Variants in HIVEP2 observed in about 807,000 individuals in gnomAD.
HIVEP2 encodes the protein transcription factor HIVEP2.
A neutral mutation model predicts 180.7 loss-of-function variants in HIVEP2; 14 were observed. The observed-to-expected ratio is 0.08, with a 90% confidence interval of 0.05 to 0.12. The LOEUF (loss-of-function observed/expected upper bound fraction) is 0.12, where lower values mean the gene tolerates loss of function less well. HIVEP2 is among the 10% of genes least tolerant of loss of function. The pLI is 1.00. For missense variants in HIVEP2, 2,579 were observed against 3,008.5 expected (o/e 0.86, Z 3.34); for synonymous variants, 1,184 against 1,136.4 (o/e 1.04, Z -0.84).
chr6:142,826,459 G>C (rs1774904165), intron 2 of HIVEP2, among the ~76,000 whole-genome samples: 1 of 152,068 alleles, frequency 6.6e-6, no homozygotes, highest in African/African-American at 2.4e-5. Flanking sequence ...CATATTTTGG[G>C]GAATTCCCTG....
chr6:142,855,258 T>C (rs1775789511), intron 1 of HIVEP2, among the ~76,000 whole-genome samples: 1 of 152,186 alleles, frequency 6.6e-6, no homozygotes, highest in South Asian at 2.1e-4. Flanking sequence ...CCAAGCTTGA[T>C]AGGCGAAGTC....
At chr6:142,913,129 G>A (rs958871129) in intron 1 of HIVEP2, among the ~76,000 whole-genome samples, 1 of 152,164 alleles carries the variant, frequency 6.6e-6, no homozygotes, top group Non-Finnish European at 1.5e-5. Flanking sequence ...GACTCATGGT[G>A]ACCTATGGGA....
chr6:142,873,598 G>A (rs1776352527), intron 1 of HIVEP2, among the ~76,000 whole-genome samples: 1 of 152,068 alleles, frequency 6.6e-6, no homozygotes, highest in Non-Finnish European at 1.5e-5. Context: ...TCAATTTTGA[G>A]CACACATTTT....
chr6:142,753,936 G>A lies in HIVEP2; in HGVS notation c.6517-5C>T, dbSNP rs145543866. ...AGGTAATCCTCTTCTTAAATTCTGCGCAGAGAAACAAAGAGAGCACAAAAT... is the reference window on the plus strand; with the variant it reads ...AGGTAATCCTCTTCTTAAATTCTGCACAGAGAAACAAAGAGAGCACAAAAT... On this transcript the variant is annotated splice_polypyrimidine_tract_variant and splice_region_variant and intron_variant, in intron 9 of 9. Transcript: ENST00000367603. The A allele has an allele frequency of 1.9e-4, 284 of 1,517,790 alleles. 1 individual carries two copies. The highest frequency in any genetic ancestry group is 1.6e-3 in the African/African-American group (114 of 72,138). 94.0% of individuals were successfully genotyped at this position (1,517,790 alleles called of 1,614,324 possible). A position where few individuals can be genotyped will look rare whatever the true frequency, so the allele number is the denominator to read the frequency against.
intron 9 of HIVEP2, among the ~76,000 whole-genome samples, chr6:142,759,019 A>T (rs1164287824): frequency 6.6e-6 from 1 of 152,100 alleles, no homozygotes; most frequent in African/African-American, 2.4e-5. Flanking sequence ...GGAGTTTTTG[A>T]GGCCAGGCGC....
intron 1 of HIVEP2, among the ~76,000 whole-genome samples, chr6:142,913,353 A>AT (rs961090679): frequency 2.6e-5 from 4 of 152,158 alleles, no homozygotes; most frequent in Non-Finnish European, 4.4e-5. Context: ...ACAATATCTG[A>AT]TTTTTTCAAT....
At chr6:142,754,374 A>T (rs1203747382) in intron 9 of HIVEP2, among the ~76,000 whole-genome samples, 2 of 152,184 alleles carry the variant, frequency 1.3e-5, no homozygotes, top group Non-Finnish European at 2.9e-5. Flanking sequence ...TATACTGGAC[A>T]GATTTTTAAT....
intron 2 of HIVEP2, among the ~76,000 whole-genome samples, chr6:142,831,397 A>T (rs1582897323): frequency 6.6e-6 from 1 of 152,026 alleles, no homozygotes; most frequent in Admixed American, 6.5e-5. Context: ...GCTTGCAGTG[A>T]CTGCTGCCCC....
chr6:142,797,949 T>A (rs550149), intron 2 of HIVEP2, among the ~76,000 whole-genome samples: 87,849 of 151,850 alleles, frequency 0.58, 26,830 homozygotes, highest in Non-Finnish European at 0.68. Context: ...TGCCAGAAAC[T>A]TAGTGATTTT....
intron 1 of HIVEP2, among the ~76,000 whole-genome samples, chr6:142,843,726 C>T (rs1461413829): frequency 6.6e-6 from 1 of 152,156 alleles, no homozygotes; most frequent in Non-Finnish European, 1.5e-5. Context: ...TAATTCTATT[C>T]CAGGACAGGA....
chr6:142,838,465 CA>C (rs1775279965), intron 1 of HIVEP2, among the ~76,000 whole-genome samples: 1 of 152,098 alleles, frequency 6.6e-6, no homozygotes, highest in African/African-American at 2.4e-5. Context: ...CAATGAACTG[CA>C]AAATGATTCA....
chr6:142,765,749 G>A (rs1775365750), intron 6 of HIVEP2, among the ~76,000 whole-genome samples: 1 of 152,138 alleles, frequency 6.6e-6, no homozygotes, highest in Admixed American at 6.5e-5. Context: ...AATCAAATCG[G>A]CTAGAAAAAC....
chr6:142,909,076 C>T (rs1007449389), intron 1 of HIVEP2, among the ~76,000 whole-genome samples: 2 of 152,050 alleles, frequency 1.3e-5, no homozygotes, highest in African/African-American at 2.4e-5. Flanking sequence ...GGTATCTAAA[C>T]GTTATTGTCT....
At chr6:142,843,609 G>A (rs1219354702) in intron 1 of HIVEP2, among the ~76,000 whole-genome samples, 1 of 152,168 alleles carries the variant, frequency 6.6e-6, no homozygotes, top group Non-Finnish European at 1.5e-5. Context: ...CGGTGAGCCT[G>A]CTTTGTGGTT....
intron 2 of HIVEP2, among the ~76,000 whole-genome samples, chr6:142,815,894 G>A (rs1776822132): frequency 6.6e-6 from 1 of 152,120 alleles, no homozygotes; most frequent in Admixed American, 6.5e-5. Context: ...AAAGTTTTGG[G>A]GACATAATAG....
chr6:142,757,904 CTG>C (rs1281130626), intron 9 of HIVEP2, among the ~76,000 whole-genome samples: 1 of 152,194 alleles, frequency 6.6e-6, no homozygotes, highest in Admixed American at 6.5e-5. Context: ...CTTTTTCTGA[CTG>C]AAGAATCGCA....
At chr6:142,861,761 T>C (rs1775984648) in intron 1 of HIVEP2, among the ~76,000 whole-genome samples, 1 of 152,166 alleles carries the variant, frequency 6.6e-6, no homozygotes, top group Non-Finnish European at 1.5e-5. Flanking sequence ...TATAAATAGA[T>C]AAAACTCAGT....
intron 2 of HIVEP2, among the ~76,000 whole-genome samples, chr6:142,784,852 T>G (rs1289288256): frequency 2.0e-5 from 3 of 152,128 alleles, no homozygotes; most frequent in Non-Finnish European, 4.4e-5. Flanking sequence ...CTAAAAAATA[T>G]ACATTTTCTA....
In HIVEP2 at chr6:142,888,237, G is replaced by A. The variant is rs556240580; in HGVS notation, c.-640-51190C>T. Among the ~76,000 whole-genome samples, 9 of 152,016 alleles carry A rather than the reference G, an allele frequency of 5.9e-5. No homozygotes were observed. In the South Asian group the frequency reaches 1.9e-3, roughly 32 times the overall value. ...TTTGTTGTATTGTTCTTTTTGAGAC[G>A]CTCACTGTGTTGCCCAGGCTGCAGT... On this transcript the variant is annotated intron_variant, in intron 1 of 9. Coordinates refer to ENST00000367603, the MANE Select transcript of HIVEP2 (RefSeq NM_006734.4).
Sources: gnomAD v4.1 joint callset for allele counts (sites outside exome capture counted in the v4.1 genomes callset) on GRCh38, gnomAD v4.1.1 for gene constraint, MANE v1.5 for transcripts, NCBI Gene and HGNC (gene_info 2026-07-23, HGNC 2026-07-21) for gene names.